Variants in PDE7A observed in about 807,000 individuals in gnomAD.
The protein encoded by PDE7A is phosphodiesterase 7A, also known as high affinity 3',5'-cyclic-AMP phosphodiesterase 7A.
PDE7A carries 39 observed loss-of-function variants against 64.3 expected under a neutral mutation model. The ratio of observed to expected loss-of-function variants is 0.61; its 90% confidence interval spans 0.47 to 0.79. The LOEUF (loss-of-function observed/expected upper bound fraction) is 0.79. Ranked by LOEUF, PDE7A falls within the 30% of genes least tolerant of loss-of-function variation. PDE7A has a pLI of 0.00. For synonymous variants in PDE7A, 203 were observed against 206.8 expected (o/e 0.98, Z 0.16); for missense variants, 470 against 582.8 (o/e 0.81, Z 1.99).
chr8:65,841,963 G>GGCTGCCGCCGCC lies in PDE7A; in HGVS notation c.-456_-455insGGCGGCGGCAGC, dbSNP rs1554573187. ...GGACTCAGGAGCAGCGACCAGCTCGGGCCGCCGCCGCCGCCGCCGCCGCCG... is the reference window on the plus strand; with the variant it reads ...GGACTCAGGAGCAGCGACCAGCTCGGGCTGCCGCCGCCGCCGCCGCCGCCGCCGCCGCCGCCG... On this transcript the variant is annotated 5_prime_UTR_variant, in exon 1 of 13. Coordinates refer to ENST00000401827, the MANE Select transcript of PDE7A (RefSeq NM_001242318.3). The GGCTGCCGCCGCC allele has an allele frequency of 4.2e-6, 1 of 238,498 alleles. No homozygotes were observed. Among genetic ancestry groups the GGCTGCCGCCGCC allele is most frequent in the South Asian group, 4.3e-5 (1 of 23,462 alleles). The allele number at this position is 238,498 out of a possible 1,614,324, so 14.8% of individuals were successfully genotyped here. A position where few individuals can be genotyped will look rare whatever the true frequency, so the allele number is the denominator to read the frequency against.
chr8:65,822,525 T>G (rs757634253), intron 1 of PDE7A, among the ~76,000 whole-genome samples: 3 of 152,228 alleles, frequency 2.0e-5, no homozygotes, highest in Non-Finnish European at 4.4e-5. Context: ...TGTGAAGCAC[T>G]GGGCTTACAA....
At chr8:65,799,119 A>G (rs1809928398) in intron 1 of PDE7A, among the ~76,000 whole-genome samples, 1 of 152,158 alleles carries the variant, frequency 6.6e-6, no homozygotes, top group African/African-American at 2.4e-5. Context: ...AAAGGGCCCC[A>G]AAAGAACTTT....
At chr8:65,768,801 T>C (rs1035941484) in intron 3 of PDE7A, among the ~76,000 whole-genome samples, 1 of 152,198 alleles carries the variant, frequency 6.6e-6, no homozygotes, top group African/African-American at 2.4e-5. Flanking sequence ...TGTAAATATG[T>C]ATGATAAATA....
chr8:65,795,649 A>C (rs536367305), intron 1 of PDE7A, among the ~76,000 whole-genome samples: 2 of 152,316 alleles, frequency 1.3e-5, no homozygotes, highest in Admixed American at 6.5e-5. Context: ...CTAGTCCATC[A>C]GCGTAGAAAG....
intron 1 of PDE7A, among the ~76,000 whole-genome samples, chr8:65,835,386 G>A (rs1810925840): frequency 6.6e-6 from 1 of 152,178 alleles, no homozygotes; most frequent in Non-Finnish European, 1.5e-5. Flanking sequence ...AATTCCTTAA[G>A]AGGGCCTGCA....
In PDE7A at chr8:65,798,206, A is replaced by ATATATATATATTTTTT; in HGVS notation, c.139-15364_139-15363insAAAAAATATATATATA. On this transcript the variant is annotated intron_variant, in intron 1 of 12. Coordinates refer to ENST00000401827, the MANE Select transcript of PDE7A (RefSeq NM_001242318.3). ...TATATATATATATATATATATATAT[A>ATATATATATATTTTTT]TTTTTTTTTTTTTGAGATGGAGTCT... 1.2e-4 allele frequency among the ~76,000 whole-genome samples: 9 copies of ATATATATATATTTTTT among 73,808 alleles called. 1 individual carries two copies. In the South Asian group the frequency reaches 1.4e-3, roughly 11 times the overall value. 48.4% of individuals were successfully genotyped at this position (73,808 alleles called of 152,430 possible).
intron 10 of PDE7A, 134 bp downstream of exon 10, chr8:65,724,643 G>A (rs761818485): frequency 4.1e-6 from 3 of 739,748 alleles, no homozygotes; most frequent in East Asian, 2.7e-5. Flanking sequence ...AGGAGTGTGC[G>A]CTAATTGAAG....
At chr8:65,769,468 C>A (rs977191613) in intron 3 of PDE7A, among the ~76,000 whole-genome samples, 1 of 152,088 alleles carries the variant, frequency 6.6e-6, no homozygotes, top group Non-Finnish European at 1.5e-5. Flanking sequence ...TAGAAGAATT[C>A]GTAATCATCA....
intron 1 of PDE7A, among the ~76,000 whole-genome samples, chr8:65,790,801 C>A (rs544234888): frequency 6.6e-6 from 1 of 152,156 alleles, no homozygotes; most frequent in Non-Finnish European, 1.5e-5. Context: ...CCGTCAAGGT[C>A]TCTGATTACT....
chr8:65,812,927 T>C (rs1810291757), intron 1 of PDE7A, among the ~76,000 whole-genome samples: 1 of 152,146 alleles, frequency 6.6e-6, no homozygotes, highest in Non-Finnish European at 1.5e-5. Context: ...TCAAAAAGGC[T>C]CACTAGCCAA....
chr8:65,798,095 T>A (rs1456857667), intron 1 of PDE7A, among the ~76,000 whole-genome samples: 1 of 149,434 alleles, frequency 6.7e-6, no homozygotes, highest in Admixed American at 6.7e-5. Context: ...ATCTGTAGTA[T>A]GTAAGTCTGA....
intron 3 of PDE7A, among the ~76,000 whole-genome samples, chr8:65,769,503 C>T (rs1050527465): frequency 3.9e-5 from 6 of 152,178 alleles, no homozygotes; most frequent in Admixed American, 2.6e-4. Flanking sequence ...TGTGTAACCA[C>T]GAATACAAGT....
At chr8:65,798,654 C>A (rs149653330) in intron 1 of PDE7A, among the ~76,000 whole-genome samples, 1 of 152,236 alleles carries the variant, frequency 6.6e-6, no homozygotes, top group East Asian at 1.9e-4. Context: ...CAGATAAATG[C>A]AAACCAATGT....
chr8:65,725,965 A>G (rs1226717560), intron 9 of PDE7A, among the ~76,000 whole-genome samples: 4 of 152,206 alleles, frequency 2.6e-5, no homozygotes, highest in African/African-American at 4.8e-5. Context: ...TCATACTCCA[A>G]ATGGTATCCG....
intron 1 of PDE7A, among the ~76,000 whole-genome samples, chr8:65,805,426 T>C (rs528490537): frequency 1.9e-4 from 29 of 152,318 alleles, no homozygotes; most frequent in Non-Finnish European, 2.6e-4. Context: ...GATTACCCTA[T>C]ATAAAGAAAA....
intron 3 of PDE7A, among the ~76,000 whole-genome samples, chr8:65,763,067 G>A (rs1027350700): frequency 6.6e-6 from 1 of 151,100 alleles, no homozygotes; most frequent in African/African-American, 2.4e-5. Flanking sequence ...TTAAACTTCA[G>A]TATGAACCAA....
At chr8:65,782,751 AC>A (rs1483282548) in intron 2 of PDE7A, 31 bp downstream of exon 2, 1 of 1,218,774 alleles carries the variant, frequency 8.2e-7, no homozygotes, top group Non-Finnish European at 1.2e-6. Context: ...AACAAAATTA[AC>A]TGATATTGGT....
At chr8:65,811,531 A>C (rs900151699) in intron 1 of PDE7A, among the ~76,000 whole-genome samples, 5 of 152,252 alleles carry the variant, frequency 3.3e-5, no homozygotes, top group African/African-American at 4.8e-5. Flanking sequence ...TTCAGCAGAG[A>C]GCAAGATGAA....
rs36101490 is a variant in PDE7A at position 65,771,884 on chromosome 8, CA to C, written c.283+7835del. Among the ~76,000 whole-genome samples, 287 of 55,826 alleles carry C rather than the reference CA, an allele frequency of 5.1e-3. 1 individual carries two copies. Among genetic ancestry groups the C allele is most frequent in the East Asian group, 0.023 (40 of 1,768 alleles). 36.6% of individuals were successfully genotyped at this position (55,826 alleles called of 152,430 possible). ...ATCGAGACTCCGAGACTCCATCTCT[CA>C]AAAAAAAAAAAAAAAAAAAAAAGAA... On this transcript the variant is annotated intron_variant, in intron 3 of 12. Coordinates refer to ENST00000401827, the MANE Select transcript of PDE7A (RefSeq NM_001242318.3).
Sources: allele counts gnomAD v4.1 joint callset (sites outside exome capture counted in the v4.1 genomes callset), GRCh38; gene constraint gnomAD v4.1.1; transcripts MANE v1.5; gene names NCBI Gene and HGNC (gene_info 2026-07-23, HGNC 2026-07-21).